Variants in LTBP3 observed in about 807,000 individuals in gnomAD.
The protein encoded by LTBP3 is latent-transforming growth factor beta-binding protein 3.
In LTBP3, 97 loss-of-function variants were observed where a neutral mutation model predicts 159.7. The ratio of observed to expected loss-of-function variants is 0.61; its 90% confidence interval spans 0.52 to 0.72. LTBP3 has a LOEUF of 0.72. LTBP3 is among the 30% of genes least tolerant of loss of function. The probability of loss-of-function intolerance (pLI) is 0.00; values close to 1 mark genes in which losing one functional copy is unlikely to be tolerated. For synonymous variants in LTBP3, 824 were observed against 777.1 expected, an observed-to-expected ratio of 1.06 and a Z score of -1.00; for missense variants, 1,584 against 1,864.3, an observed-to-expected ratio of 0.85 and a Z score of 2.77.
chr11:65,540,930 T>C lies in LTBP3; in HGVS notation c.2918A>G (p.Asp973Gly), dbSNP rs762987297. 4 of 1,613,440 alleles carry C rather than the reference T, an allele frequency of 2.5e-6. No individual in the cohort carries two copies. The African/African-American group carries it at 4.0e-5, about 16-fold the overall frequency. Residue 973 changes from aspartate to glycine, a missense_variant, in exon 21 of 28, where the codon GAC becomes GGC. Asp to Gly is a moderately conservative substitution (Grantham distance 94). Transcript: ENST00000301873. ...SSAEFHSLCP[D>G]GKGYTQDNNI... is the part of the protein sequence containing the mutation. ...GTTGTCCTGGGTGTAGCCCTTTCCG[T>C]CTGGGCAGAGGCTGTGGAACTCGGC...
chr11:65,542,381 CTTTTTTTT>C (rs775859883), intron 18 of LTBP3: 21 of 91,978 alleles, frequency 2.3e-4, no homozygotes, highest in African/African-American at 4.7e-4. Flanking sequence ...GCTCAATAAA[CTTTTTTTT>C]TTTTTTTTTT....
At chr11:65,550,052 C>A (rs1205496004) in intron 11 of LTBP3, among the ~76,000 whole-genome samples, 5 of 152,174 alleles carry the variant, frequency 3.3e-5, no homozygotes, top group Non-Finnish European at 7.3e-5. Flanking sequence ...CCTGTCCTCG[C>A]AGAGCAGACA....
In LTBP3 at chr11:65,547,010, C is replaced by G. The variant is rs1235137328; in HGVS notation, c.2108-90G>C. 2 of 1,575,204 alleles carry G rather than the reference C, an allele frequency of 1.3e-6. No homozygotes were observed. Among genetic ancestry groups the G allele is most frequent in the Middle Eastern group, 1.7e-4 (1 of 6,008 alleles). ...TCCACAGCAGGGACTTCCTCCCACACAGATCAACGAGGCTCCCGGACCCCA... is the reference window on the plus strand; with the variant it reads ...TCCACAGCAGGGACTTCCTCCCACAGAGATCAACGAGGCTCCCGGACCCCA... On this transcript the variant is annotated intron_variant, in intron 14 of 27. Coordinates refer to ENST00000301873, the MANE Select transcript of LTBP3 (RefSeq NM_001130144.3). This position sits in a 1 kb window ranked among gnomAD's most constrained non-coding sequence, Gnocchi z 4.6.
rs1856232905 is a variant in LTBP3, at chr11:65,543,244, T to C, written c.2477-20A>G. ...CAATGTCTGTAGGGGATGGAAGGGGTGGAGAATCTCAGGGGCTGATCACCA... is the reference window on the plus strand; with the variant it reads ...CAATGTCTGTAGGGGATGGAAGGGGCGGAGAATCTCAGGGGCTGATCACCA... On this transcript the variant is annotated intron_variant, in intron 17 of 27. Transcript: ENST00000301873. 6.2e-7 allele frequency: 1 copy of C among 1,613,710 alleles called. No individual in the cohort carries two copies. The highest frequency in any genetic ancestry group is 1.1e-5 in the South Asian group (1 of 91,060).
At chr11:65,540,759 C>A (rs890854745) in intron 21 of LTBP3, 112 bp downstream of exon 21, 8 of 1,125,702 alleles carry the variant, frequency 7.1e-6, no homozygotes, top group Middle Eastern at 2.7e-4. Context: ...GAGGAAGGTG[C>A]GGGCGGGGCT....
Position 65,539,567 on chromosome 11 carries a change from C to A in LTBP3, c.3609G>T (p.Leu1203=). ...ACTCACCTCTTGGGGGCTTCCCCAA[C>A]AGCAGGGGGCTTGTGTCCCAGAAGG... ...SNSFWDTSPL[L]LGKPPRDEDS... The change falls in exon 26 of 28, where the codon CTG becomes CTT. Residue 1203 remains leucine (L), a synonymous_variant. Coordinates refer to ENST00000301873, the MANE Select transcript of LTBP3 (RefSeq NM_001130144.3). The A allele has an allele frequency of 1.2e-6, 2 of 1,612,802 alleles. No homozygotes were observed. The highest frequency in any genetic ancestry group is 1.7e-6 in the Non-Finnish European group (2 of 1,179,332).
intron 10 of LTBP3, 54 bp from the exon 11 acceptor site, chr11:65,551,278 T>G: frequency 6.6e-7 from 1 of 1,523,674 alleles, no homozygotes; most frequent in Non-Finnish European, 8.8e-7. Flanking sequence ...AGCCTCCCTT[T>G]CCACTTCAGT....
intron 24 of LTBP3, 46 bp from the exon 25 acceptor site, chr11:65,539,927 C>T (rs1358162636): frequency 1.4e-6 from 2 of 1,475,086 alleles, no homozygotes; most frequent in African/African-American, 1.5e-5. Flanking sequence ...AGGCAGGAAC[C>T]GCCCGCCTCC....
intron 20 of LTBP3, 62 bp from the exon 21 acceptor site, chr11:65,541,016 G>A (rs1856111513): frequency 6.3e-7 from 1 of 1,587,482 alleles, no homozygotes; most frequent in African/African-American, 1.3e-5. Flanking sequence ...CGTGGGCTTA[G>A]GGCTGCAGCC....
chr11:65,557,862 A>G lies in LTBP3; in HGVS notation c.98T>C (p.Leu33Pro), dbSNP rs1480726705. The change falls in exon 1 of 28, where the codon CTG becomes CCG. Residue 33 changes from leucine (L) to proline (P), a missense_variant. Physicochemically the swap from Leu to Pro is moderately conservative, Grantham distance 98. This residue lies in a region of LTBP3 where 79 missense variants were observed against 64.7 expected (regional missense o/e 1.22). Coordinates refer to ENST00000301873, the MANE Select transcript of LTBP3 (RefSeq NM_001130144.3). Reference sequence around the variant, plus strand: ...GACCCTGCCGCCCAGGCCCAGCAGCAGCAGCAGCAGCAGCAGCAGCAGCGC... The same window carrying G: ...GACCCTGCCGCCCAGGCCCAGCAGCGGCAGCAGCAGCAGCAGCAGCAGCGC... ...LLALLLLLLL[L>P]LLGLGGRVEG... 6.9e-6 allele frequency: 9 copies of G among 1,302,490 alleles called. No individual in the cohort carries two copies. Among genetic ancestry groups the G allele is most frequent in the African/African-American group, 3.7e-5 (2 of 54,560 alleles). The allele number at this position is 1,302,490 out of a possible 1,614,324, so 80.7% of individuals were successfully genotyped here. A position where few individuals can be genotyped will look rare whatever the true frequency, so the allele number is the denominator to read the frequency against.
Position 65,557,943 on chromosome 11 carries a change from C to A in LTBP3, c.17G>T (p.Gly6Val). The change falls in exon 1 of 28, where the codon GGG becomes GTG. Residue 6 changes from glycine to valine, a missense_variant. This residue lies in a region of LTBP3 where 79 missense variants were observed against 64.7 expected (regional missense o/e 1.22). Coordinates refer to ENST00000301873, the MANE Select transcript of LTBP3 (RefSeq NM_001130144.3). ...CTCAGGGGCCAGGCCGCCAGCAGCC[C>A]CTCGGGGCCCGGGCATCCGGGGCCG... MPGPR[G>V]AAGGLAPEMR... 8.4e-7 allele frequency: 1 copy of A among 1,188,580 alleles called. No homozygotes were observed. Among genetic ancestry groups the A allele is most frequent in the Non-Finnish European group, 1.0e-6 (1 of 958,698 alleles). 73.6% of individuals were successfully genotyped at this position (1,188,580 alleles called of 1,614,324 possible).
intron 11 of LTBP3, among the ~76,000 whole-genome samples, chr11:65,550,661 TAA>T (rs11306484): frequency 8.2e-4 from 121 of 147,746 alleles, no homozygotes; most frequent in Non-Finnish European, 7.5e-4. Flanking sequence ...CCGTCTCTAC[TAA>T]AAAAAAAAAA....
chr11:65,552,909 A>G lies in LTBP3; in HGVS notation c.1137T>C (p.Cys379=), dbSNP rs201941540. The G allele has an allele frequency of 1.1e-4, 180 of 1,614,082 alleles. No homozygotes were observed. Among genetic ancestry groups the G allele is most frequent in the Non-Finnish European group, 3.0e-5 (35 of 1,180,026 alleles). ...CTAAACTATGGCCAGGTGGGCAGAC[A>G]CAGCGATAGGAGCCAGGGTTGTTGA... ...DCLNNPGSYR[C]VCPPGHSLGP... Residue 379 remains cysteine, a synonymous_variant, in exon 6 of 28, where the codon TGT becomes TGC. Transcript: ENST00000301873. The surrounding 1 kb of genome is among the most constrained non-coding windows in gnomAD (Gnocchi z 6.0).
At chr11:65,551,875 G>T in intron 8 of LTBP3, 97 bp downstream of exon 8, 1 of 1,367,974 alleles carries the variant, frequency 7.3e-7, no homozygotes. Flanking sequence ...TAAGGAATTG[G>T]GGGTTAGACT....
At chr11:65,543,616 A>C in intron 16 of LTBP3, 67 bp from the exon 17 acceptor site, 11 of 1,600,400 alleles carry the variant, frequency 6.9e-6, no homozygotes, top group Non-Finnish European at 9.4e-6. Context: ...CTGTTTTCTC[A>C]CTTCTGCGCA....
chr11:65,557,578 G>A (rs746883646), intron 1 of LTBP3, 51 bp downstream of exon 1: 2 of 1,600,618 alleles, frequency 1.2e-6, no homozygotes, highest in Non-Finnish European at 1.7e-6. Flanking sequence ...CTCTCCCACC[G>A]GGCCTGGTGC....
At position 65,554,599 on chromosome 11, in the gene LTBP3, C is replaced by T. The variant is rs2135160873; in HGVS notation, c.332-219G>A. Among the ~76,000 whole-genome samples the T allele has an allele frequency of 6.6e-6, 1 of 152,150 alleles. No homozygotes were observed. The highest frequency in any genetic ancestry group is 2.4e-5 in the African/African-American group (1 of 41,500). On this transcript the variant is annotated intron_variant, in intron 1 of 27. Transcript: ENST00000301873. The surrounding 1 kb of genome is among the most constrained non-coding windows in gnomAD (Gnocchi z 5.3). ...ATTTAAATCCTCGCTAAGCCATGTG[C>T]CAGCTGTGCGACCCTGAGCAACTCA...
intron 21 of LTBP3, 75 bp from the exon 22 acceptor site, chr11:65,540,689 A>T (rs981525459): frequency 5.6e-6 from 7 of 1,239,528 alleles, no homozygotes; most frequent in Non-Finnish European, 7.6e-6. Context: ...GCACCACCGG[A>T]GCGAAGCCAT....
intron 1 of LTBP3, 108 bp downstream of exon 1, chr11:65,557,521 C>A (rs1028916866): frequency 2.7e-6 from 4 of 1,496,522 alleles, no homozygotes; most frequent in Admixed American, 1.8e-5. Context: ...CGGATCTCTG[C>A]CCTTTATACC....
Sources: gnomAD v4.1 joint callset for allele counts (sites outside exome capture counted in the v4.1 genomes callset) on GRCh38, gnomAD v4.1.1 for gene constraint, gnomAD v4.1.1 regional missense constraint, Gnocchi (gnomAD v3.1) non-coding constraint, MANE v1.5 for transcripts, NCBI Gene and HGNC (gene_info 2026-07-23, HGNC 2026-07-21) for gene names.